Variants in NR5A2 observed in about 807,000 individuals in gnomAD.
NR5A2 encodes CYP7A promoter-binding factor.
A neutral mutation model predicts 62.7 loss-of-function variants in NR5A2; 26 were observed. The observed-to-expected ratio is 0.41, with a 90% CI of 0.30 to 0.58. The LOEUF (loss-of-function observed/expected upper bound fraction) is 0.58. Among genes scored for constraint, NR5A2 ranks in the 20% least tolerant of loss-of-function variants. The probability of loss-of-function intolerance (pLI) is 0.22; values close to 1 mark genes in which losing one functional copy is unlikely to be tolerated. For synonymous variants in NR5A2, 246 were observed against 241.7 expected, an observed-to-expected ratio of 1.02 and a Z score of -0.16; for missense variants, 541 against 669.1, an observed-to-expected ratio of 0.81 and a Z score of 2.11.
chr1:200,130,229 T>C (rs1445584125), intron 7 of NR5A2, among the ~76,000 whole-genome samples: 1 of 150,274 alleles, frequency 6.7e-6, no homozygotes, highest in African/African-American at 2.5e-5. Flanking sequence ...ATCCAGTTAA[T>C]AAAAGAGGCT....
At chr1:200,106,720 CCCCTTCCTTTTTCTA>C (rs1665687057) in intron 5 of NR5A2, among the ~76,000 whole-genome samples, 1 of 152,114 alleles carries the variant, frequency 6.6e-6, no homozygotes, top group Non-Finnish European at 1.5e-5. Context: ...TTATTTTTCT[CCCCTTCCTTTTTCTA>C]CCCACACCCC....
chr1:200,073,235 C>CATATATATATATATATATATATATATAT (rs3033980), intron 5 of NR5A2, among the ~76,000 whole-genome samples: 1 of 105,954 alleles, frequency 9.4e-6, no homozygotes, highest in African/African-American at 3.8e-5. Flanking sequence ...CATTTACATA[C>CATATATATATATATATATATATATATAT]ATATATATAT....
intron 7 of NR5A2, among the ~76,000 whole-genome samples, chr1:200,161,576 A>G (rs958188632): frequency 3.3e-5 from 5 of 152,180 alleles, no homozygotes; most frequent in Non-Finnish European, 7.3e-5. Context: ...TCAGATTACC[A>G]CTTCACAACA....
chr1:200,144,262 C>CAT (rs1366502399), intron 7 of NR5A2, among the ~76,000 whole-genome samples: 2 of 150,788 alleles, frequency 1.3e-5, no homozygotes, highest in African/African-American at 4.9e-5. Flanking sequence ...CACACACACA[C>CAT]ACACACACAG....
Position 200,147,581 on chromosome 1 carries a change from C to T in NR5A2, c.1379-26382C>T. 1.4e-6 allele frequency: 1 copy of T among 712,000 alleles called. No homozygotes were observed. Among genetic ancestry groups the T allele is most frequent in the Non-Finnish European group, 2.6e-6 (1 of 383,058 alleles). The allele number at this position is 712,000 out of a possible 1,614,324, so 44.1% of individuals were successfully genotyped here. A position where few individuals can be genotyped will look rare whatever the true frequency, so the allele number is the denominator to read the frequency against. On this transcript the variant is annotated intron_variant, in intron 7 of 7. Transcript: ENST00000367362. This position sits in a 1 kb window ranked among gnomAD's most constrained non-coding sequence, Gnocchi z 4.9. ...GGTGTGCTTAAAGCGATCTCCTCTA[C>T]ACGAACGCTAGGGCAGAGCACATTT...
chr1:200,167,926 G>A (rs1024982989), intron 7 of NR5A2, among the ~76,000 whole-genome samples: 4 of 152,102 alleles, frequency 2.6e-5, no homozygotes, highest in African/African-American at 4.8e-5. Flanking sequence ...TGTGTTAGCT[G>A]CCCATCCTGT....
intron 5 of NR5A2, among the ~76,000 whole-genome samples, chr1:200,066,191 G>A (rs553801690): frequency 1.3e-5 from 2 of 152,264 alleles, no homozygotes; most frequent in South Asian, 4.1e-4. Flanking sequence ...TTAGATCAGG[G>A]CAGGAGAATG....
At chr1:200,079,225 G>T (rs904511818) in intron 5 of NR5A2, among the ~76,000 whole-genome samples, 1 of 152,156 alleles carries the variant, frequency 6.6e-6, no homozygotes, top group Admixed American at 6.5e-5. Context: ...AGAGTGCTCC[G>T]AATCCCATCT....
At chr1:200,166,315 A>G (rs1653898081) in intron 7 of NR5A2, among the ~76,000 whole-genome samples, 1 of 152,188 alleles carries the variant, frequency 6.6e-6, no homozygotes, top group Non-Finnish European at 1.5e-5. Context: ...GGGCTTGTCC[A>G]GAGAAGTCCC....
chr1:200,075,891 C>CTTTTCTTTTCTT (rs1160193902), intron 5 of NR5A2, among the ~76,000 whole-genome samples: 1 of 151,352 alleles, frequency 6.6e-6, no homozygotes, highest in African/African-American at 2.4e-5. Context: ...CTTCTGTTTT[C>CTTTTCTTTTCTT]TTTTCTTTTT....
chr1:200,114,229 T>TAC lies in NR5A2; in HGVS notation c.1230+2909_1230+2910insCA, dbSNP rs1379653019. 1.1e-4 allele frequency among the ~76,000 whole-genome samples: 5 copies of TAC among 47,252 alleles called. No homozygotes were observed. In the Admixed American group the frequency reaches 1.5e-3, roughly 14 times the overall value. 31.0% of individuals were successfully genotyped at this position (47,252 alleles called of 152,430 possible). A position where few individuals can be genotyped will look rare whatever the true frequency, so the allele number is the denominator to read the frequency against. On this transcript the variant is annotated intron_variant, in intron 6 of 7. Coordinates refer to ENST00000367362, the MANE Select transcript of NR5A2 (RefSeq NM_205860.3). The stretch of plus-strand genomic sequence containing the variant: ...GTGGAAGCTAGAAGATATATATATA[T>TAC]ATATACACACACACACATACACACA...
Position 200,084,945 on chromosome 1 carries a change from C to T in NR5A2, c.1111-26257C>T, listed in dbSNP as rs532561546. ...TACATTAAGAACTCAATCATAGTGC[C>T]GCATTGTGAGCCGTTTGTACCGGAT... On this transcript the variant is annotated intron_variant, in intron 5 of 7. Coordinates refer to ENST00000367362, the MANE Select transcript of NR5A2 (RefSeq NM_205860.3). 8.5e-5 allele frequency among the ~76,000 whole-genome samples: 13 copies of T among 152,236 alleles called. No homozygotes were observed. The East Asian group carries it at 1.4e-3, about 16-fold the overall frequency.
At chr1:200,132,123 C>T (rs1666990876) in intron 7 of NR5A2, among the ~76,000 whole-genome samples, 1 of 152,128 alleles carries the variant, frequency 6.6e-6, no homozygotes. Context: ...GATTCTCCTG[C>T]CTCAGCCGCC....
intron 7 of NR5A2, among the ~76,000 whole-genome samples, chr1:200,127,697 AAAAAAAAAAAAAATAT>A (rs1363447635): frequency 3.8e-5 from 3 of 78,522 alleles, no homozygotes; most frequent in South Asian, 5.1e-4. Flanking sequence ...AAAAAAAAAA[AAAAAAAAAAAAAATAT>A]ATATATATAT....
intron 7 of NR5A2, among the ~76,000 whole-genome samples, chr1:200,164,077 C>T (rs1025642812): frequency 6.6e-6 from 1 of 152,056 alleles, no homozygotes; most frequent in Non-Finnish European, 1.5e-5. Flanking sequence ...CACCTCCCTA[C>T]ACATACTCTC....
At chr1:200,059,046 G>T (rs1663064904) in intron 5 of NR5A2, among the ~76,000 whole-genome samples, 1 of 151,978 alleles carries the variant, frequency 6.6e-6, no homozygotes, top group East Asian at 1.9e-4. Flanking sequence ...GGAGGCGGAG[G>T]TTGCAGTAAG....
chr1:200,081,193 T>C (rs1168059152), intron 5 of NR5A2, among the ~76,000 whole-genome samples: 1 of 152,200 alleles, frequency 6.6e-6, no homozygotes, highest in South Asian at 2.1e-4. Context: ...GAGGGTACCA[T>C]AGCTAAAATA....
chr1:200,069,159 T>C (rs1375438143), intron 5 of NR5A2, among the ~76,000 whole-genome samples: 3 of 152,178 alleles, frequency 2.0e-5, no homozygotes, highest in East Asian at 3.8e-4. Context: ...TTCACTCTCC[T>C]TACCCTAAGA....
intron 5 of NR5A2, among the ~76,000 whole-genome samples, chr1:200,073,317 CCCCTTTATATAT>C (rs1663839051): frequency 1.1e-5 from 1 of 88,836 alleles, no homozygotes; most frequent in Admixed American, 1.2e-4. Context: ...TATATATATT[CCCCTTTATATAT>C]ATATATATAT....
Sources: allele counts gnomAD v4.1 joint callset (sites outside exome capture counted in the v4.1 genomes callset), GRCh38; gene constraint gnomAD v4.1.1; non-coding constraint Gnocchi (gnomAD v3.1); transcripts MANE v1.5; gene names NCBI Gene and HGNC (gene_info 2026-07-23, HGNC 2026-07-21).